The following SLC23A2 variants were observed in gnomAD, a reference collection of about 807,000 sequenced individuals.
The protein encoded by SLC23A2 is solute carrier family 23 member 2.
A neutral mutation model predicts 73.3 loss-of-function variants in SLC23A2; 36 were observed. That is an observed-to-expected ratio of 0.49 (90% CI 0.38 to 0.65). SLC23A2 has a LOEUF of 0.65. SLC23A2 is among the 30% of genes least tolerant of loss of function. The pLI, the probability that SLC23A2 is intolerant of heterozygous loss-of-function variation, is 0.00. For synonymous variants in SLC23A2, 343 were observed against 327.3 expected (o/e 1.05, Z -0.52); for missense variants, 507 against 841.6 (o/e 0.60, Z 4.92).
intron 6 of SLC23A2, among the ~76,000 whole-genome samples, chr20:4,894,485 T>C (rs1222076698): frequency 1.3e-5 from 2 of 152,212 alleles, no homozygotes; most frequent in East Asian, 1.9e-4. Flanking sequence ...TCAGACATGC[T>C]TCACGTGGTC....
chr20:4,884,429 T>C (rs1931015920), intron 8 of SLC23A2, among the ~76,000 whole-genome samples: 1 of 152,232 alleles, frequency 6.6e-6, no homozygotes, highest in Non-Finnish European at 1.5e-5. Context: ...AGCGAACAAT[T>C]CTGCTATCTG....
chr20:4,927,672 CAT>C (rs1932718786), intron 3 of SLC23A2, among the ~76,000 whole-genome samples: 2 of 152,214 alleles, frequency 1.3e-5, no homozygotes, highest in East Asian at 1.9e-4. Flanking sequence ...CCAAAGCCAA[CAT>C]ATACCCAATC....
intron 3 of SLC23A2, among the ~76,000 whole-genome samples, chr20:4,928,093 C>G (rs1932730868): frequency 6.6e-6 from 1 of 152,118 alleles, no homozygotes; most frequent in African/African-American, 2.4e-5. Flanking sequence ...GGATGGCATG[C>G]AATGACACAA....
intron 3 of SLC23A2, among the ~76,000 whole-genome samples, chr20:4,922,071 G>GTA (rs1259552152): frequency 6.6e-6 from 1 of 152,118 alleles, no homozygotes; most frequent in Non-Finnish European, 1.5e-5. Context: ...ATAGAATTAT[G>GTA]GGCTTAGATT....
chr20:4,993,045 G>A (rs912553842), intron 1 of SLC23A2, among the ~76,000 whole-genome samples: 10 of 151,848 alleles, frequency 6.6e-5, no homozygotes, highest in African/African-American at 9.6e-5. Flanking sequence ...TTGGGAGGCC[G>A]AGGCAGGTGG....
At chr20:5,002,222 T>C (rs572232125), upstream of SLC23A2, among the ~76,000 whole-genome samples, 54 of 152,234 alleles carry the variant, frequency 3.5e-4, 1 homozygote, top group South Asian at 0.011. Context: ...CAGCCTCACT[T>C]TGAGGACTTC....
rs74810296 is a variant in SLC23A2 at position 4,984,508 on chromosome 20, G to A, written c.-281-13589C>T. ...GCGGAGCTTGCAGTGAGCCGAGATT[G>A]CACCACTGCACTCCAGCCTGGGCAA... On this transcript the variant is annotated intron_variant, in intron 1 of 16. Coordinates refer to ENST00000338244, the MANE Select transcript of SLC23A2 (RefSeq NM_005116.6). 1.6e-3 allele frequency among the ~76,000 whole-genome samples: 232 copies of A among 148,756 alleles called. 2 individuals are homozygous for A. In the East Asian group the frequency reaches 0.035, roughly 23 times the overall value.
chr20:4,961,103 C>CTT (rs1330252792), intron 2 of SLC23A2, among the ~76,000 whole-genome samples: 1 of 140,894 alleles, frequency 7.1e-6, no homozygotes. Context: ...TTTTTTTTTT[C>CTT]TTTTTCTTTT....
chr20:4,919,878 T>C (rs960760152), intron 3 of SLC23A2, among the ~76,000 whole-genome samples: 2 of 152,038 alleles, frequency 1.3e-5, no homozygotes, highest in East Asian at 3.9e-4. Flanking sequence ...AGGGCTAACA[T>C]CCCAACAGGA....
chr20:4,929,048 TC>T (rs1372974754), intron 3 of SLC23A2, among the ~76,000 whole-genome samples: 8 of 152,120 alleles, frequency 5.3e-5, no homozygotes, highest in Admixed American at 3.3e-4. Context: ...TCTCAGGAGT[TC>T]CAGACTAGCC....
Position 4,862,230 on chromosome 20 carries a change from G to C in SLC23A2, c.1487-145C>G. The C allele has an allele frequency of 1.3e-6, 1 of 796,768 alleles. No individual in the cohort carries two copies. Among genetic ancestry groups the C allele is most frequent in the Non-Finnish European group, 2.0e-6 (1 of 504,856 alleles). The allele number at this position is 796,768 out of a possible 1,614,324, so 49.4% of individuals were successfully genotyped here. On this transcript the variant is annotated intron_variant, in intron 14 of 16. Transcript: ENST00000338244. The surrounding 1 kb of genome is among the most constrained non-coding windows in gnomAD (Gnocchi z 5.1). ...TGCAGGGACAGGAAGGGGGACGTGT[G>C]GGGTCAGACTGTAGCCACCCTGCGC...
intron 3 of SLC23A2, among the ~76,000 whole-genome samples, chr20:4,925,877 C>T (rs1376036818): frequency 1.3e-5 from 2 of 152,202 alleles, no homozygotes; most frequent in Non-Finnish European, 2.9e-5. Flanking sequence ...CGGCAAGGCC[C>T]ACCCTACAAC....
intron 13 of SLC23A2, among the ~76,000 whole-genome samples, chr20:4,866,252 T>G (rs1283524230): frequency 6.6e-6 from 1 of 152,264 alleles, no homozygotes; most frequent in Non-Finnish European, 1.5e-5. Flanking sequence ...ACAAAAAGTT[T>G]GTACATGCTC....
At chr20:4,988,171 G>A (rs1019597824) in intron 1 of SLC23A2, among the ~76,000 whole-genome samples, 5 of 151,090 alleles carry the variant, frequency 3.3e-5, no homozygotes, top group African/African-American at 9.7e-5. Context: ...GCCTGGTGGT[G>A]GGCACCTGTA....
intron 9 of SLC23A2, among the ~76,000 whole-genome samples, chr20:4,877,203 T>C (rs1311111004): frequency 1.3e-5 from 2 of 152,150 alleles, no homozygotes; most frequent in Non-Finnish European, 2.9e-5. Context: ...ATTCCCATAC[T>C]GTATGACATC....
chr20:4,890,823 G>A (rs2122845736), intron 6 of SLC23A2, among the ~76,000 whole-genome samples: 1 of 152,276 alleles, frequency 6.6e-6, no homozygotes, highest in East Asian at 1.9e-4. Context: ...TTGTACACAT[G>A]GGTATAAGCT....
chr20:4,881,464 C>G (rs893632169), intron 9 of SLC23A2, among the ~76,000 whole-genome samples: 7 of 152,232 alleles, frequency 4.6e-5, no homozygotes, highest in African/African-American at 1.7e-4. Flanking sequence ...CCACTATTTT[C>G]TTACTTTTTG....
At chr20:5,002,776 G>T (rs2088144966), upstream of SLC23A2, among the ~76,000 whole-genome samples, 1 of 152,162 alleles carries the variant, frequency 6.6e-6, no homozygotes, top group Non-Finnish European at 1.5e-5. Context: ...CTGTCACCCA[G>T]GCTGGAGTGC....
chr20:4,990,428 GGC>G, intron 1 of SLC23A2, among the ~76,000 whole-genome samples: 2 of 151,998 alleles, frequency 1.3e-5, no homozygotes, highest in South Asian at 4.2e-4. Context: ...GAAATGCAGT[GGC>G]GCGATCTCGA....
Sources: allele counts gnomAD v4.1 joint callset (sites outside exome capture counted in the v4.1 genomes callset), GRCh38; gene constraint gnomAD v4.1.1; non-coding constraint Gnocchi (gnomAD v3.1); transcripts MANE v1.5; gene names NCBI Gene and HGNC (gene_info 2026-07-23, HGNC 2026-07-21).